ERMP1: variants seen among roughly 807,000 people sequenced by gnomAD.
ERMP1 encodes Felix-ina.
In ERMP1, 86 loss-of-function variants were observed where a neutral mutation model predicts 92.0. The ratio of observed to expected loss-of-function variants is 0.93; its 90% confidence interval spans 0.79 to 1.12. The LOEUF (loss-of-function observed/expected upper bound fraction) is 1.12. Among genes scored for constraint, ERMP1 ranks in the 50% most tolerant of loss-of-function variants. The pLI is 0.00. For synonymous variants in ERMP1, 530 were observed against 412.8 expected, an observed-to-expected ratio of 1.28 and a Z score of -3.44; for missense variants, 1,342 against 1,116.3, an observed-to-expected ratio of 1.20 and a Z score of -2.88.
chr9:5,826,990 G>A (rs1232934379), intron 2 of ERMP1, among the ~76,000 whole-genome samples: 1 of 152,134 alleles, frequency 6.6e-6, no homozygotes, highest in African/African-American at 2.4e-5. Context: ...ATAAGGGCTA[G>A]GTGGTTAGCT....
At chr9:5,852,294 C>T (rs1417859865) in intron 6 of ERMP1, among the ~76,000 whole-genome samples, 3 of 150,596 alleles carry the variant, frequency 2.0e-5, no homozygotes, top group Admixed American at 6.6e-5. Context: ...GACAGCGTCT[C>T]ATTCTGTCAT....
chr9:5,790,950 G>A (rs1260134), intron 13 of ERMP1, among the ~76,000 whole-genome samples: 8,303 of 152,176 alleles, frequency 0.055, 729 homozygotes, highest in African/African-American at 0.18. Flanking sequence ...ACTGAACTGT[G>A]TAAGATCTTT....
intron 13 of ERMP1, among the ~76,000 whole-genome samples, chr9:5,789,897 T>A (rs1024348568): frequency 1.3e-5 from 2 of 148,860 alleles, no homozygotes; most frequent in African/African-American, 5.0e-5. Flanking sequence ...TTGCCCAGGC[T>A]GGTCTCGAGC....
Position 5,805,120 on chromosome 9 carries a change from G to T in ERMP1, c.1821C>A (p.Thr607=), listed in dbSNP as rs1324846626. 6.2e-7 allele frequency: 1 copy of T among 1,612,968 alleles called. No homozygotes were observed. The highest frequency in any genetic ancestry group is 8.5e-7 in the Non-Finnish European group (1 of 1,179,548). ...CAGAACCACTTCTCCCGAGGATAGGGGTAAACATCTCAAATACTGCCCAGA... is the reference window on the plus strand; with the variant it reads ...CAGAACCACTTCTCCCGAGGATAGGTGTAAACATCTCAAATACTGCCCAGA... ...YLIWAVFEMF[T]PILGRSGSEI... The change falls in exon 10 of 15, where the codon ACC becomes ACA. Residue 607 remains threonine, a synonymous_variant. Coordinates refer to ENST00000339450, the MANE Select transcript of ERMP1 (RefSeq NM_024896.3).
At chr9:5,860,460 T>A (rs1830452388) in intron 5 of ERMP1, among the ~76,000 whole-genome samples, 1 of 152,106 alleles carries the variant, frequency 6.6e-6, no homozygotes, top group Non-Finnish European at 1.5e-5. Context: ...AATATAAATA[T>A]GGATGGATAA....
rs988194801 is a variant in ERMP1 at position 5,828,333 on chromosome 9, A to G, written c.640+2394T>C. Among the ~76,000 whole-genome samples the G allele has an allele frequency of 1.2e-4, 18 of 152,320 alleles. No individual in the cohort carries two copies. In the Middle Eastern group the frequency reaches 0.01, roughly 86 times the overall value. On this transcript the variant is annotated intron_variant, in intron 2 of 14. Coordinates refer to ENST00000339450, the MANE Select transcript of ERMP1 (RefSeq NM_024896.3). ...GGCAACTGAGAAGCAGGTACTATACAAAAAAGCTCTCTGCCCTCCCCTTGT... is the reference window on the plus strand; with the variant it reads ...GGCAACTGAGAAGCAGGTACTATACGAAAAAGCTCTCTGCCCTCCCCTTGT...
intron 8 of ERMP1, among the ~76,000 whole-genome samples, chr9:5,809,300 G>A (rs926506957): frequency 2.0e-5 from 3 of 152,092 alleles, no homozygotes; most frequent in Admixed American, 2.0e-4. Context: ...GATTACAGGC[G>A]TGAGCCACCG....
intron 11 of ERMP1, 49 bp downstream of exon 11, chr9:5,801,127 C>G: frequency 6.4e-7 from 1 of 1,566,942 alleles, no homozygotes; most frequent in South Asian, 1.2e-5. Context: ...GCTCAAAACA[C>G]ACAGGGCTTC....
chr9:5,815,494 CAA>C (rs3068691), intron 4 of ERMP1, among the ~76,000 whole-genome samples: 40,484 of 97,120 alleles, frequency 0.42, 6,266 homozygotes, highest in East Asian at 0.6. Flanking sequence ...ACTGAAATAA[CAA>C]AAAAAAAAAA....
chr9:5,814,278 G>C (rs183606385), intron 4 of ERMP1, among the ~76,000 whole-genome samples: 2 of 152,098 alleles, frequency 1.3e-5, no homozygotes, highest in African/African-American at 4.8e-5. Flanking sequence ...AATGCAACAC[G>C]AGCAAGAAAT....
chr9:5,858,511 C>G (rs1830412645), intron 6 of ERMP1, among the ~76,000 whole-genome samples: 1 of 152,204 alleles, frequency 6.6e-6, no homozygotes, highest in African/African-American at 2.4e-5. Flanking sequence ...GTGCTGCACA[C>G]AGTGTCCTGC....
At chr9:5,835,362 A>G (rs13300893), upstream of ERMP1, among the ~76,000 whole-genome samples, 3,003 of 118,056 alleles carry the variant, frequency 0.025, 32 homozygotes, top group Non-Finnish European at 0.032. Context: ...GCGCGCGCGC[A>G]TGTGTGTGTG....
At chr9:5,862,180 CCACCATGCCTG>C (rs1830519924) in intron 5 of ERMP1, among the ~76,000 whole-genome samples, 1 of 151,952 alleles carries the variant, frequency 6.6e-6, no homozygotes, top group South Asian at 2.1e-4. Flanking sequence ...CAGGTGTGTG[CCACCATGCCTG>C]GTTAATTTTT....
rs745885889 is a variant in ERMP1, at chr9:5,798,886, A to C, written c.2190T>G (p.Asn730Lys). The C allele has an allele frequency of 2.3e-5, 37 of 1,613,488 alleles. No homozygotes were observed. Among genetic ancestry groups the C allele is most frequent in the Non-Finnish European group, 3.1e-5 (37 of 1,179,512 alleles). The stretch of plus-strand genomic sequence containing the variant: ...CCTCACAGTGAGCTCGGATACTATC[A>C]TTGATCTCAGGAATGTGAGGGGTTA... ...SHITPHIPEI[N>K]DSIRAHCEEN... The change falls in exon 12 of 15, where the codon AAT becomes AAG. Residue 730 changes from asparagine to lysine, a missense_variant. Asn to Lys is a moderately conservative substitution (Grantham distance 94). Coordinates refer to ENST00000339450, the MANE Select transcript of ERMP1 (RefSeq NM_024896.3).
At chr9:5,860,087 C>T (rs536660435) in intron 5 of ERMP1, among the ~76,000 whole-genome samples, 49 of 151,810 alleles carry the variant, frequency 3.2e-4, no homozygotes, top group African/African-American at 1.2e-3. Context: ...ATTGCTTGAG[C>T]CCAGTTTGAG....
chr9:5,804,706 C>A (rs1828802974), intron 10 of ERMP1, among the ~76,000 whole-genome samples: 1 of 152,106 alleles, frequency 6.6e-6, no homozygotes, highest in Admixed American at 6.6e-5. Flanking sequence ...TCATTCACCA[C>A]CAGGCAATCT....
upstream of ERMP1, among the ~76,000 whole-genome samples, chr9:5,834,405 CT>C (rs1435014367): frequency 6.6e-6 from 1 of 152,234 alleles, no homozygotes; most frequent in Non-Finnish European, 1.5e-5. Context: ...CCTCATTAGA[CT>C]GTAAGCCCCA....
intron 6 of ERMP1, among the ~76,000 whole-genome samples, chr9:5,845,475 C>T (rs1047156605): frequency 2.0e-5 from 3 of 152,058 alleles, no homozygotes; most frequent in Non-Finnish European, 4.4e-5. Context: ...GAGAGAATAA[C>T]TTATTCAAGT....
rs564582294 is a variant in ERMP1, at chr9:5,865,368, C to A, written n.3055+2434G>T. 3.9e-5 allele frequency among the ~76,000 whole-genome samples: 6 copies of A among 152,048 alleles called. No homozygotes were observed. The Middle Eastern group carries it at 0.01, about 260-fold the overall frequency. On this transcript the variant is annotated intron_variant and non_coding_transcript_variant, in intron 5 of 6. Coordinates refer to the ERMP1 transcript ENST00000690753. ...TAACAATACAAAAAAATTAGCTGAG[C>A]GCGGTGGCAGGCGCCTGTAGTCCCA...
Sources: allele counts gnomAD v4.1 joint callset (sites outside exome capture counted in the v4.1 genomes callset), GRCh38; gene constraint gnomAD v4.1.1; transcripts MANE v1.5; gene names NCBI Gene and HGNC (gene_info 2026-07-23, HGNC 2026-07-21).